MAPK4: variants seen among roughly 807,000 people sequenced by gnomAD.
The protein encoded by MAPK4 is mitogen-activated protein kinase 4.
MAPK4 carries 22 observed loss-of-function variants against 47.7 expected under a neutral mutation model. The ratio of observed to expected loss-of-function variants is 0.46; its 90% CI spans 0.33 to 0.66. The LOEUF (loss-of-function observed/expected upper bound fraction) is 0.66. Among genes scored for constraint, MAPK4 ranks in the 30% least tolerant of loss-of-function variants. The pLI is 0.02. For missense variants in MAPK4, 736 were observed against 831.7 expected (o/e 0.88, Z 1.42); for synonymous variants, 390 against 365.7 (o/e 1.07, Z -0.76).
chr18:50,691,813 G>A (rs1409674096), intron 2 of MAPK4, among the ~76,000 whole-genome samples: 3 of 152,162 alleles, frequency 2.0e-5, no homozygotes, highest in Non-Finnish European at 4.4e-5. Context: ...GAGAATAAAA[G>A]TATCGGCAGC....
At chr18:50,614,623 A>G (rs2042668082) in intron 1 of MAPK4, among the ~76,000 whole-genome samples, 2 of 152,334 alleles carry the variant, frequency 1.3e-5, no homozygotes, top group South Asian at 4.1e-4. Context: ...ATGTACACCT[A>G]CTACATACCC....
At chr18:50,710,033 C>T (rs1851685377) in intron 2 of MAPK4, among the ~76,000 whole-genome samples, 1 of 152,142 alleles carries the variant, frequency 6.6e-6, no homozygotes, top group Non-Finnish European at 1.5e-5. Context: ...GCGAGGCTGT[C>T]AGAGTCTCTT....
chr18:50,625,384 T>G (rs1598839198), intron 1 of MAPK4, among the ~76,000 whole-genome samples: 1 of 152,200 alleles, frequency 6.6e-6, no homozygotes, highest in Non-Finnish European at 1.5e-5. Flanking sequence ...CCTTGCACTT[T>G]ATTTTTCTCC....
In MAPK4 at chr18:50,729,450, C is replaced by T; in HGVS notation, c.1360C>T (p.Pro454Ser). 6.5e-7 allele frequency: 1 copy of T among 1,527,396 alleles called. No individual in the cohort carries two copies. 94.6% of individuals were successfully genotyped at this position (1,527,396 alleles called of 1,614,324 possible). A position where few individuals can be genotyped will look rare whatever the true frequency, so the allele number is the denominator to read the frequency against. ...RDNKPHHYSE[P>S]KLILDLSHWK... ...CAACAAGCCGCACCACTACTCGGAG[C>T]CCAAGCTCATCCTGGACCTGTCGCA... The change falls in exon 6 of 6, where the codon CCC becomes TCC. Residue 454 changes from proline (P) to serine (S), a missense_variant. Physicochemically the swap from Pro to Ser is moderately conservative, Grantham distance 74. Transcript: ENST00000400384.
At chr18:50,577,775 AT>A (rs1252051940) in intron 1 of MAPK4, among the ~76,000 whole-genome samples, 5 of 152,194 alleles carry the variant, frequency 3.3e-5, no homozygotes, top group Non-Finnish European at 7.3e-5. Flanking sequence ...AACCTAATAA[AT>A]TCAGCTCACG....
At chr18:50,677,857 T>C (rs1391651629) in intron 2 of MAPK4, among the ~76,000 whole-genome samples, 1 of 152,040 alleles carries the variant, frequency 6.6e-6, no homozygotes. Context: ...ACCTCCCAGG[T>C]CTATAAATCT....
intron 2 of MAPK4, among the ~76,000 whole-genome samples, chr18:50,699,438 T>C (rs1274563255): frequency 1.3e-5 from 2 of 152,160 alleles, no homozygotes; most frequent in Non-Finnish European, 2.9e-5. Context: ...ATCGTTTAAA[T>C]AAAACTCAAC....
chr18:50,621,907 C>T (rs1374517621), intron 1 of MAPK4, among the ~76,000 whole-genome samples: 2 of 152,260 alleles, frequency 1.3e-5, no homozygotes, highest in Non-Finnish European at 2.9e-5. Flanking sequence ...CCATCACCAT[C>T]GCTCCATGAC....
At chr18:50,602,433 G>A (rs796113307) in intron 1 of MAPK4, among the ~76,000 whole-genome samples, 9 of 152,232 alleles carry the variant, frequency 5.9e-5, no homozygotes, top group African/African-American at 1.9e-4. Flanking sequence ...GGCTATCTTT[G>A]TCTATCAGAA....
chr18:50,708,719 G>C (rs1281565041), intron 2 of MAPK4, among the ~76,000 whole-genome samples: 1 of 152,144 alleles, frequency 6.6e-6, no homozygotes, highest in East Asian at 1.9e-4. Context: ...GGCAGCCTTA[G>C]AAGTCTCTCT....
chr18:50,697,524 G>A (rs989499425), intron 2 of MAPK4, among the ~76,000 whole-genome samples: 2 of 152,216 alleles, frequency 1.3e-5, no homozygotes, highest in East Asian at 1.9e-4. Context: ...GCTGTTATTG[G>A]TGATGGTGAT....
intron 1 of MAPK4, among the ~76,000 whole-genome samples, chr18:50,625,773 C>T (rs1354905894): frequency 6.6e-6 from 1 of 151,960 alleles, no homozygotes; most frequent in Non-Finnish European, 1.5e-5. Context: ...TAGAGCCCCT[C>T]CCAGGTCTCT....
intron 5 of MAPK4, 141 bp from the exon 6 acceptor site, chr18:50,729,017 C>T (rs1462449452): frequency 5.6e-6 from 4 of 708,450 alleles, no homozygotes; most frequent in Non-Finnish European, 7.1e-6. Context: ...CTCGCCATTA[C>T]CTGTCCATCA....
chr18:50,662,739 G>A (rs918368560), intron 1 of MAPK4, among the ~76,000 whole-genome samples: 3 of 152,222 alleles, frequency 2.0e-5, no homozygotes, highest in Non-Finnish European at 2.9e-5. Context: ...CCTAGCTAGC[G>A]CTGATGTGTG....
intron 2 of MAPK4, chr18:50,669,828 A>G (rs1360794828): frequency 1.3e-5 from 2 of 152,256 alleles, no homozygotes; most frequent in Non-Finnish European, 2.9e-5. Flanking sequence ...AGGGATAATC[A>G]TAACAAGTTC....
rs77012735 is a variant in MAPK4, at chr18:50,614,005, A to G, written c.-870-49084A>G. On this transcript the variant is annotated intron_variant, in intron 1 of 5. Coordinates refer to ENST00000400384, the MANE Select transcript of MAPK4 (RefSeq NM_002747.4). Reference sequence around the variant, plus strand: ...ATATATTCTATTCAACTATATTGACAATATATCTTTATAGTGACATGTGGA... The same window carrying G: ...ATATATTCTATTCAACTATATTGACGATATATCTTTATAGTGACATGTGGA... Among the ~76,000 whole-genome samples the G allele has an allele frequency of 2.6e-4, 39 of 152,338 alleles. No individual in the cohort carries two copies. The East Asian group carries it at 7.5e-3, about 29-fold the overall frequency.
chr18:50,574,583 T>G (rs2149359877), intron 1 of MAPK4, among the ~76,000 whole-genome samples: 1 of 152,300 alleles, frequency 6.6e-6, no homozygotes, highest in East Asian at 1.9e-4. Flanking sequence ...TTACAGAGAT[T>G]GACCATCAAG....
intron 1 of MAPK4, among the ~76,000 whole-genome samples, chr18:50,632,616 A>ATTTTT (rs10531891): frequency 4.1e-5 from 5 of 122,314 alleles, no homozygotes; most frequent in Admixed American, 8.8e-5. Context: ...GTCTGGTTTA[A>ATTTTT]TTTTTTTTTT....
chr18:50,609,574 T>C (rs537385693), intron 1 of MAPK4, among the ~76,000 whole-genome samples: 4 of 152,252 alleles, frequency 2.6e-5, no homozygotes, highest in Admixed American at 2.6e-4. Flanking sequence ...CCACTATCGA[T>C]TCTTGATGAT....
Sources: allele counts gnomAD v4.1 joint callset (sites outside exome capture counted in the v4.1 genomes callset), GRCh38; gene constraint gnomAD v4.1.1; transcripts MANE v1.5; gene names NCBI Gene and HGNC (gene_info 2026-07-23, HGNC 2026-07-21).